Variants in DPP8 observed in about 807,000 individuals in gnomAD.
DPP8 encodes the protein dipeptidyl peptidase 8.
In DPP8, 31 loss-of-function variants were observed where a neutral mutation model predicts 107.5. The ratio of observed to expected loss-of-function variants is 0.29; its 90% CI spans 0.22 to 0.39. DPP8 has a LOEUF of 0.39. Among genes scored for constraint, DPP8 ranks in the 10% least tolerant of loss-of-function variants. The pLI is 1.00. For missense variants in DPP8, 842 were observed against 1,076.1 expected (o/e 0.78, Z 3.04); for synonymous variants, 381 against 356.6 (o/e 1.07, Z -0.77).
chr15:65,503,747 C>T (rs753231029), intron 3 of DPP8, among the ~76,000 whole-genome samples: 165 of 152,214 alleles, frequency 1.1e-3, no homozygotes, highest in Non-Finnish European at 1.9e-3. Context: ...CTCAGCCTCC[C>T]GAGTAGCTAG....
At chr15:65,495,120 T>G (rs1294296155) in intron 5 of DPP8, among the ~76,000 whole-genome samples, 1 of 152,176 alleles carries the variant, frequency 6.6e-6, no homozygotes, top group African/African-American at 2.4e-5. Flanking sequence ...TCAGAACTTA[T>G]GCTTCAGAAC....
At chr15:65,490,715 A>G (rs890310102) in intron 5 of DPP8, among the ~76,000 whole-genome samples, 1 of 152,232 alleles carries the variant, frequency 6.6e-6, no homozygotes, top group African/African-American at 2.4e-5. Flanking sequence ...TTTTAGACCT[A>G]GAGTGAATCT....
At chr15:65,453,976 G>A (rs1360187383) in intron 17 of DPP8, among the ~76,000 whole-genome samples, 1 of 151,768 alleles carries the variant, frequency 6.6e-6, no homozygotes, top group Non-Finnish European at 1.5e-5. Flanking sequence ...AATTAGCCAG[G>A]TGTGGTGGTG....
Position 65,478,883 on chromosome 15 carries a change from G to A in DPP8, c.1453C>T (p.Pro485Ser), listed in dbSNP as rs572193325. 1 of 1,555,188 alleles carries A rather than the reference G, an allele frequency of 6.4e-7. No homozygotes were observed. Among genetic ancestry groups the A allele is most frequent in the African/African-American group, 1.4e-5 (1 of 70,842 alleles). The change falls in exon 11 of 20, where the codon CCA (proline) becomes TCA (serine). Residue 485 changes from proline to serine, a missense_variant. Pro to Ser is a moderately conservative substitution (Grantham distance 74). Around this residue, in one of 2 missense-constraint regions of DPP8, gnomAD observed 663 missense variants for 758.0 expected, o/e 0.87. Transcript: ENST00000300141. ...TAAAATAAAATGGATTTCTTACTTG[G>A]AGCAGGCAGCCCACCACTGGATCGT... Reference protein sequence around the residue: ...YKRSSGGLPAPSDFKCPIKEE... With the variant: ...YKRSSGGLPASSDFKCPIKEE...
chr15:65,507,115 G>A, intron 3 of DPP8, 128 bp downstream of exon 3: 1 of 495,416 alleles, frequency 2.0e-6, no homozygotes, highest in Non-Finnish European at 3.5e-6. Flanking sequence ...GGTCATACAT[G>A]CAAAAACATA....
At chr15:65,485,214 A>G (rs1411365487) in intron 7 of DPP8, 54 bp from the exon 8 acceptor site, 1 of 1,357,338 alleles carries the variant, frequency 7.4e-7, no homozygotes, top group Admixed American at 1.7e-5. Flanking sequence ...ACTCAAATTA[A>G]TTTTGCCAGA....
At chr15:65,514,439 C>T (rs2071189033) in intron 1 of DPP8, among the ~76,000 whole-genome samples, 1 of 152,060 alleles carries the variant, frequency 6.6e-6, no homozygotes, top group South Asian at 2.1e-4. Context: ...GTTTACTTGC[C>T]CTAATAAAAG....
chr15:65,484,342 T>A (rs1278350474), intron 8 of DPP8, among the ~76,000 whole-genome samples: 4 of 147,584 alleles, frequency 2.7e-5, no homozygotes, highest in Non-Finnish European at 4.5e-5. Flanking sequence ...AAAAAAAAGG[T>A]TGCCTAGTGC....
intron 3 of DPP8, 43 bp from the exon 4 acceptor site, chr15:65,500,822 C>T: frequency 6.8e-7 from 1 of 1,476,638 alleles, no homozygotes; most frequent in Non-Finnish European, 9.3e-7. Flanking sequence ...TTCTGAAAAA[C>T]CATCTTTTGC....
intron 3 of DPP8, chr15:65,502,934 A>G (rs1347352279): frequency 2.0e-5 from 3 of 152,170 alleles, no homozygotes; most frequent in Non-Finnish European, 2.9e-5. Context: ...AAAGAAAGTA[A>G]AGATCTAAAT....
Position 65,467,217 on chromosome 15 carries a change from C to T in DPP8, c.1543G>A (p.Val515Ile), listed in dbSNP as rs760756541. 3.1e-5 allele frequency: 50 copies of T among 1,614,002 alleles called. No homozygotes were observed. Among genetic ancestry groups the T allele is most frequent in the Admixed American group, 6.7e-5 (4 of 59,986 alleles). Residue 515 changes from valine to isoleucine, a missense_variant, in exon 13 of 20, where the codon GTT (valine) becomes ATT (isoleucine). Coordinates refer to ENST00000300141, the MANE Select transcript of DPP8 (RefSeq NM_130434.5). ...VLGRHGSNIQ[V>I]DEVRRLVYFE... ...TATACCAGCCTTCTGACTTCATCAA[C>T]TTGGATCTGACAAGATAACAACAAT...
intron 12 of DPP8, among the ~76,000 whole-genome samples, chr15:65,472,493 G>T (rs2065977113): frequency 6.6e-6 from 1 of 151,446 alleles, no homozygotes; most frequent in South Asian, 2.1e-4. Context: ...CAGAGACAGG[G>T]TCTTATATGT....
chr15:65,462,572 A>C (rs1195634506), intron 15 of DPP8, among the ~76,000 whole-genome samples: 1 of 152,012 alleles, frequency 6.6e-6, no homozygotes, highest in Non-Finnish European at 1.5e-5. Flanking sequence ...CAATTAACCA[A>C]TACACCCATC....
Position 65,448,865 on chromosome 15 carries a change from AAT to A in DPP8, c.2527-1861_2527-1860del, listed in dbSNP as rs58549410. Reference sequence around the variant, plus strand: ...ATATAAAATATACATATATATCTAAAATATATATATATATATATATATATATA... The same window carrying A: ...ATATAAAATATACATATATATCTAAAATATATATATATATATATATATATA... On this transcript the variant is annotated intron_variant, in intron 19 of 19. Coordinates refer to ENST00000300141, the MANE Select transcript of DPP8 (RefSeq NM_130434.5). 4.6e-3 allele frequency among the ~76,000 whole-genome samples: 244 copies of A among 53,188 alleles called. 15 individuals carry two copies. Among genetic ancestry groups the A allele is most frequent in the East Asian group, 0.022 (68 of 3,146 alleles). The allele number at this position is 53,188 out of a possible 152,430, so 34.9% of individuals were successfully genotyped here.
In DPP8 at chr15:65,442,558, C is replaced by T. The variant is rs1045960640; in HGVS notation, c.*4326G>A. ...ACTTTACATGATTAAAAGCCATATA[C>T]CTAAAAATGAGAAAACCCATAAGCT... On this transcript the variant is annotated 3_prime_UTR_variant, in exon 20 of 20. Transcript: ENST00000300141. 4 of 152,158 alleles carry T rather than the reference C, an allele frequency of 2.6e-5. No individual in the cohort carries two copies. Among genetic ancestry groups the T allele is most frequent in the African/African-American group, 9.7e-5 (4 of 41,436 alleles). 9.4% of individuals were successfully genotyped at this position (152,158 alleles called of 1,614,324 possible).
At chr15:65,517,209 GA>G (rs2071558841) in intron 1 of DPP8, 1 of 152,258 alleles carries the variant, frequency 6.6e-6, no homozygotes, top group African/African-American at 2.4e-5. Flanking sequence ...AACGGACGTG[GA>G]AGCCAGGAGG....
At chr15:65,485,207 CAAAT>C in intron 7 of DPP8, 47 bp from the exon 8 acceptor site, 1 of 1,420,818 alleles carries the variant, frequency 7.0e-7, no homozygotes, top group Non-Finnish European at 9.9e-7. Flanking sequence ...CAAAATTACT[CAAAT>C]TAATTTTGCC....
intron 5 of DPP8, 29 bp downstream of exon 5, chr15:65,497,835 A>T (rs1164726560): frequency 7.1e-7 from 1 of 1,416,516 alleles, no homozygotes; most frequent in Non-Finnish European, 9.4e-7. Flanking sequence ...TACTGTTCAG[A>T]AAAGTAAATC....
chr15:65,464,020 C>G, intron 14 of DPP8, 114 bp from the exon 15 acceptor site: 1 of 721,334 alleles, frequency 1.4e-6, no homozygotes, highest in Non-Finnish European at 2.2e-6. Context: ...ACTGACCACC[C>G]CTCTTTCAGA....
Sources: gnomAD v4.1 joint callset for allele counts (sites outside exome capture counted in the v4.1 genomes callset) on GRCh38, gnomAD v4.1.1 for gene constraint, gnomAD v4.1.1 regional missense constraint, MANE v1.5 for transcripts, NCBI Gene and HGNC (gene_info 2026-07-23, HGNC 2026-07-21) for gene names.